POLR3D: variants seen among roughly 807,000 people sequenced by gnomAD.
POLR3D encodes the protein DNA-directed RNA polymerase III subunit RPC4.
In POLR3D, 42 loss-of-function variants were observed where a neutral mutation model predicts 44.5. The observed-to-expected ratio is 0.94, with a 90% CI of 0.74 to 1.22. POLR3D has a LOEUF of 1.22. POLR3D is among the 50% of genes most tolerant of loss of function. The probability of loss-of-function intolerance (pLI) is 0.00; values close to 1 mark genes in which losing one functional copy is unlikely to be tolerated. For synonymous variants in POLR3D, 217 were observed against 198.1 expected, an observed-to-expected ratio of 1.10 and a Z score of -0.80; for missense variants, 507 against 505.2, an observed-to-expected ratio of 1.00 and a Z score of -0.03.
chr8:22,245,516 G>A lies in POLR3D; in HGVS notation c.67G>A (p.Ala23Thr), dbSNP rs200616240. ...AGGGCCCCGACCTCTCCTGACTGGG[G>A]CCCGGGGGCTCATCGGGCGGCGGCC... ...PGGPRPLLTG[A>T]RGLIGRRPAP... The change falls in exon 2 of 9, where the codon GCC (alanine) becomes ACC (threonine). Residue 23 changes from alanine to threonine, a missense_variant. Coordinates refer to ENST00000306433, the MANE Select transcript of POLR3D (RefSeq NM_001722.3). 94 of 1,282,982 alleles carry A rather than the reference G, an allele frequency of 7.3e-5. No individual in the cohort carries two copies. In the African/African-American group the frequency reaches 1.3e-3, roughly 17 times the overall value. The allele number at this position is 1,282,982 out of a possible 1,614,324, so 79.5% of individuals were successfully genotyped here. A position where few individuals can be genotyped will look rare whatever the true frequency, so the allele number is the denominator to read the frequency against.
intron 7 of POLR3D, among the ~76,000 whole-genome samples, chr8:22,249,728 G>T (rs1163404043): frequency 1.3e-5 from 2 of 152,060 alleles, no homozygotes; most frequent in African/African-American, 4.8e-5. Context: ...AGGCTGAGGC[G>T]GGGGAATGGC....
rs372144295 is a variant in POLR3D at position 22,250,071 on chromosome 8, G to A, written c.922-4G>A. On this transcript the variant is annotated splice_polypyrimidine_tract_variant and splice_region_variant and intron_variant, in intron 7 of 8. Transcript: ENST00000306433. The stretch of plus-strand genomic sequence containing the variant: ...CAGTGTCCATCCTCTGGTTTTCTCC[G>A]CAGGAAGCCAAATTGGCAGAGAATG... The A allele has an allele frequency of 8.2e-5, 132 of 1,613,994 alleles. No individual in the cohort carries two copies. Among genetic ancestry groups the A allele is most frequent in the African/African-American group, 2.4e-4 (18 of 75,012 alleles).
intron 7 of POLR3D, among the ~76,000 whole-genome samples, chr8:22,249,793 A>G (rs1037399033): frequency 3.3e-5 from 5 of 152,162 alleles, no homozygotes; most frequent in African/African-American, 4.8e-5. Context: ...CTATACCCCA[A>G]CCTTGGCGAC....
intron 1 of POLR3D, 51 bp from the exon 2 acceptor site, chr8:22,245,394 G>C (rs935668509): frequency 5.4e-5 from 69 of 1,288,262 alleles, no homozygotes; most frequent in Non-Finnish European, 6.9e-5. Context: ...GGTTCCGCCA[G>C]GGTCCGCGTG....
Position 22,250,202 on chromosome 8 carries a change from T to C in POLR3D, c.1049T>C (p.Met350Thr), listed in dbSNP as rs1830089876. 1 of 1,614,128 alleles carries C rather than the reference T, an allele frequency of 6.2e-7. No homozygotes were observed. The highest frequency in any genetic ancestry group is 2.2e-5 in the East Asian group (1 of 44,874). ...LLGKVTLDVT[M>T]GTACSFLQEL... Reference sequence around the variant, plus strand: ...GGCAAGGTGACTCTGGACGTGACCATGGGAACTGCCTGCTCCTTCCTGCAG... The same window carrying C: ...GGCAAGGTGACTCTGGACGTGACCACGGGAACTGCCTGCTCCTTCCTGCAG... The change falls in exon 8 of 9, where the codon ATG becomes ACG. Residue 350 changes from methionine to threonine, a missense_variant. Met to Thr is a moderately conservative substitution (Grantham distance 81). Transcript: ENST00000306433.
At position 22,252,776 on chromosome 8, in the gene POLR3D, C is replaced by G. The variant is rs1830115544; in HGVS notation, c.*2258C>G. The G allele has an allele frequency of 1.3e-5, 2 of 152,146 alleles. No homozygotes were observed. Among genetic ancestry groups the G allele is most frequent in the Admixed American group, 1.3e-4 (2 of 15,270 alleles). 9.4% of individuals were successfully genotyped at this position (152,146 alleles called of 1,614,324 possible). On this transcript the variant is annotated 3_prime_UTR_variant, in exon 9 of 9. Transcript: ENST00000306433. The stretch of plus-strand genomic sequence containing the variant: ...CTGTGTATATGCTTTCTGTTAAATA[C>G]AGAAAGAAGGAACAATAGGCTTGCA...
rs1172897566 is a variant in POLR3D at position 22,254,154 on chromosome 8, TATTTA to T, written c.*3637_*3641del. ...CATCTTTATGTCCATAGGTACCCAT[TATTTA>T]GCTCCCACTTATAAGTGAGAACATG... On this transcript the variant is annotated 3_prime_UTR_variant, in exon 9 of 9. Coordinates refer to ENST00000306433, the MANE Select transcript of POLR3D (RefSeq NM_001722.3). The T allele has an allele frequency of 1.3e-5, 2 of 152,050 alleles. No individual in the cohort carries two copies. The highest frequency in any genetic ancestry group is 2.9e-5 in the Non-Finnish European group (2 of 68,032). 9.4% of individuals were successfully genotyped at this position (152,050 alleles called of 1,614,324 possible). A position where few individuals can be genotyped will look rare whatever the true frequency, so the allele number is the denominator to read the frequency against.
At position 22,252,633 on chromosome 8, in the gene POLR3D, G is replaced by A. The variant is rs1830114287; in HGVS notation, c.*2115G>A. On this transcript the variant is annotated 3_prime_UTR_variant, in exon 9 of 9. Transcript: ENST00000306433. Reference sequence around the variant, plus strand: ...AAAGAGAGGAGAGTCCACCTTCTTGGTCAGGCCCCTGAGGCATGCATTTCT... The same window carrying A: ...AAAGAGAGGAGAGTCCACCTTCTTGATCAGGCCCCTGAGGCATGCATTTCT... 1 of 152,164 alleles carries A rather than the reference G, an allele frequency of 6.6e-6. No homozygotes were observed. Among genetic ancestry groups the A allele is most frequent in the Non-Finnish European group, 1.5e-5 (1 of 68,038 alleles). The allele number at this position is 152,164 out of a possible 1,614,324, so 9.4% of individuals were successfully genotyped here. A position where few individuals can be genotyped will look rare whatever the true frequency, so the allele number is the denominator to read the frequency against.
chr8:22,248,927 C>G, intron 6 of POLR3D, 117 bp from the exon 7 acceptor site: 1 of 1,183,272 alleles, frequency 8.5e-7, no homozygotes, highest in Non-Finnish European at 1.2e-6. Flanking sequence ...TAACTGGTGC[C>G]TCCTTCCCAC....
At chr8:22,246,536 C>T (rs1830045358) in intron 2 of POLR3D, among the ~76,000 whole-genome samples, 3 of 151,852 alleles carry the variant, frequency 2.0e-5, no homozygotes, top group Admixed American at 2.0e-4. Context: ...ACCTCCGCCT[C>T]CCGGGTTCAA....
chr8:22,250,345 C>A (rs984505973), intron 8 of POLR3D, 51 bp from the exon 9 acceptor site: 2 of 1,612,682 alleles, frequency 1.2e-6, no homozygotes, highest in Non-Finnish European at 1.7e-6. Flanking sequence ...CACAGCTCTA[C>A]ACGCCGGGCA....
Position 22,248,175 on chromosome 8 carries a change from A to G in POLR3D, c.383A>G (p.Asp128Gly). 3 of 1,614,184 alleles carry G rather than the reference A, an allele frequency of 1.9e-6. No homozygotes were observed. Among genetic ancestry groups the G allele is most frequent in the Non-Finnish European group, 2.5e-6 (3 of 1,180,036 alleles). The change falls in exon 5 of 9, where the codon GAT becomes GGT. Residue 128 changes from aspartate (D) to glycine (G), a missense_variant. Coordinates refer to ENST00000306433, the MANE Select transcript of POLR3D (RefSeq NM_001722.3). ...ACAGGGAACTGGGATAAGACAGTGG[A>G]TGTGTCAGACATGGGACCTTCTCAT... ...KKKGNWDKTVDVSDMGPSHII... is the reference protein window; with the variant it reads ...KKKGNWDKTVGVSDMGPSHII...
chr8:22,250,609 C>T lies in POLR3D; in HGVS notation c.*91C>T. ...TTGAATCTGTGAGACCCAGAAGGGG[C>T]CCACTGAGCCCACTCACTCCAGCCT... is the stretch of plus-strand genomic sequence containing the variant. On this transcript the variant is annotated 3_prime_UTR_variant, in exon 9 of 9. Transcript: ENST00000306433. 8.2e-6 allele frequency: 12 copies of T among 1,460,092 alleles called. No homozygotes were observed. The highest frequency in any genetic ancestry group is 1.0e-5 in the Non-Finnish European group (11 of 1,056,520). The allele number at this position is 1,460,092 out of a possible 1,614,324, so 90.4% of individuals were successfully genotyped here.
chr8:22,250,323 C>A, intron 8 of POLR3D, 73 bp from the exon 9 acceptor site: 1 of 1,609,496 alleles, frequency 6.2e-7, no homozygotes, highest in Non-Finnish European at 8.5e-7. Context: ...CTGGGAGTAT[C>A]ATGTCCCCAT....
At position 22,253,004 on chromosome 8, in the gene POLR3D, T is replaced by A. The variant is rs1262953197; in HGVS notation, c.*2486T>A. On this transcript the variant is annotated 3_prime_UTR_variant, in exon 9 of 9. Coordinates refer to ENST00000306433, the MANE Select transcript of POLR3D (RefSeq NM_001722.3). ...TAAATTAGAGTGAACATGAGGCATT[T>A]ATTCGGTGCCAGACAGATAACTGCC... 2 of 152,190 alleles carry A rather than the reference T, an allele frequency of 1.3e-5. No individual in the cohort carries two copies. Among genetic ancestry groups the A allele is most frequent in the Non-Finnish European group, 2.9e-5 (2 of 68,040 alleles). 9.4% of individuals were successfully genotyped at this position (152,190 alleles called of 1,614,324 possible).
At chr8:22,246,809 A>G (rs1428796526) in intron 2 of POLR3D, among the ~76,000 whole-genome samples, 1 of 152,212 alleles carries the variant, frequency 6.6e-6, no homozygotes, top group Non-Finnish European at 1.5e-5. Flanking sequence ...TAGTCACCTG[A>G]TTGAAAGTGT....
At chr8:22,249,610 A>C (rs10092957) in intron 7 of POLR3D, among the ~76,000 whole-genome samples, 6,987 of 152,208 alleles carry the variant, frequency 0.046, 510 homozygotes, top group African/African-American at 0.16. Flanking sequence ...CAGGAGGATC[A>C]CTTGAGCCCA....
chr8:22,247,008 C>G (rs1281101372), intron 2 of POLR3D, among the ~76,000 whole-genome samples: 7 of 152,160 alleles, frequency 4.6e-5, no homozygotes, highest in Non-Finnish European at 1.0e-4. Context: ...GGTTTTGGTG[C>G]CCCCTTCTAT....
chr8:22,249,386 G>A, intron 7 of POLR3D, 77 bp downstream of exon 7: 1 of 1,502,102 alleles, frequency 6.7e-7, no homozygotes, highest in Non-Finnish European at 9.2e-7. Flanking sequence ...GGGAAGCAAA[G>A]CCGTGTCACC....
Sources: gnomAD v4.1 joint callset for allele counts (sites outside exome capture counted in the v4.1 genomes callset) on GRCh38, gnomAD v4.1.1 for gene constraint, MANE v1.5 for transcripts, NCBI Gene and HGNC (gene_info 2026-07-23, HGNC 2026-07-21) for gene names.